Variants in RBFOX1 observed in about 807,000 individuals in gnomAD.
RBFOX1 encodes the protein RNA binding fox-1 homolog 1.
Under a neutral mutation model 57.7 loss-of-function variants are expected in RBFOX1, and 8 were observed. The ratio of observed to expected loss-of-function variants is 0.14; its 90% confidence interval spans 0.08 to 0.25. The LOEUF is 0.25. Ranked by LOEUF, RBFOX1 falls within the 10% of genes least tolerant of loss-of-function variation. The pLI is 1.00. For missense variants in RBFOX1, 611 were observed against 548.5 expected (o/e 1.11, Z -1.14); for synonymous variants, 326 against 222.4 (o/e 1.47, Z -4.15).
chr16:5,764,472 T>C (rs181366052), intron 3 of RBFOX1, among the ~76,000 whole-genome samples: 25 of 152,348 alleles, frequency 1.6e-4, no homozygotes, highest in Admixed American at 1.3e-3. Context: ...TTTACCCCTT[T>C]TCTTTATAAA....
At chr16:5,915,817 G>A (rs936792196) in intron 4 of RBFOX1, among the ~76,000 whole-genome samples, 1 of 151,792 alleles carries the variant, frequency 6.6e-6, no homozygotes, top group African/African-American at 2.4e-5. Context: ...GGGTGACAGG[G>A]CGAGACTCAG....
At chr16:5,572,162 C>T (rs2046305115) in intron 2 of RBFOX1, among the ~76,000 whole-genome samples, 2 of 152,140 alleles carry the variant, frequency 1.3e-5, no homozygotes. Flanking sequence ...GTCCGTGGAG[C>T]CATAGAAGCC....
chr16:6,512,374 C>T (rs1598582418), intron 2 of RBFOX1, among the ~76,000 whole-genome samples: 1 of 149,766 alleles, frequency 6.7e-6, no homozygotes, highest in Non-Finnish European at 1.5e-5. Context: ...AAACTTCAAT[C>T]AAGAGTGCTC....
intron 2 of RBFOX1, among the ~76,000 whole-genome samples, chr16:6,401,273 G>A (rs955585955): frequency 3.9e-5 from 6 of 152,146 alleles, no homozygotes; most frequent in African/African-American, 1.4e-4. Flanking sequence ...GTATCAAAAT[G>A]TAAATAATAG....
At chr16:6,077,069 G>T (rs2095913819) in intron 1 of RBFOX1, among the ~76,000 whole-genome samples, 1 of 152,202 alleles carries the variant, frequency 6.6e-6, no homozygotes. Context: ...AGCTTCGTAA[G>T]CCTAGATGGG....
chr16:7,650,911 G>A (rs2064910687), intron 11 of RBFOX1, among the ~76,000 whole-genome samples: 1 of 152,046 alleles, frequency 6.6e-6, no homozygotes. Flanking sequence ...TTACTTATGG[G>A]CTTTTATGAT....
chr16:5,936,189 T>C (rs1301186986), intron 4 of RBFOX1, among the ~76,000 whole-genome samples: 1 of 152,208 alleles, frequency 6.6e-6, no homozygotes, highest in Non-Finnish European at 1.5e-5. Flanking sequence ...CGTGGCGTGA[T>C]CTTGGCTCAC....
intron 3 of RBFOX1, among the ~76,000 whole-genome samples, chr16:6,674,754 C>G (rs933171315): frequency 6.6e-6 from 1 of 152,126 alleles, no homozygotes; most frequent in South Asian, 2.1e-4. Context: ...GTGCTGGCCA[C>G]CAGCAGAAGC....
intron 3 of RBFOX1, among the ~76,000 whole-genome samples, chr16:6,905,590 C>G (rs1012334457): frequency 6.6e-6 from 1 of 150,464 alleles, no homozygotes; most frequent in Non-Finnish European, 1.5e-5. Flanking sequence ...GTTACCCCTT[C>G]AAATCATCTA....
chr16:5,777,622 A>G (rs1315745291), intron 3 of RBFOX1, among the ~76,000 whole-genome samples: 2 of 152,196 alleles, frequency 1.3e-5, no homozygotes, highest in Non-Finnish European at 2.9e-5. Context: ...GTCTGAGTTA[A>G]CTTATATTTA....
rs1048088049 is a variant in RBFOX1, at chr16:6,215,311, TAGAG to T, written c.-126-101678_-126-101675del. ...AGAGGGAGAGGGAGAGAGGGAGAGG[TAGAG>T]AGAGACAGAGAGGGGAGGGGGAGAA... On this transcript the variant is annotated intron_variant, in intron 1 of 15. Coordinates refer to ENST00000550418, the MANE Select transcript of RBFOX1 (RefSeq NM_018723.4). 1.7e-4 allele frequency among the ~76,000 whole-genome samples: 10 copies of T among 60,480 alleles called. No homozygotes were observed. The East Asian group carries it at 2.9e-3, about 17-fold the overall frequency. The allele number at this position is 60,480 out of a possible 152,430, so 39.7% of individuals were successfully genotyped here.
intron 10 of RBFOX1, among the ~76,000 whole-genome samples, chr16:7,623,817 G>C (rs716983): frequency 0.51 from 77,724 of 151,942 alleles, 21,026 homozygotes; most frequent in East Asian, 0.72. Flanking sequence ...TCTTTTCTCT[G>C]TCTTCACCTG....
intron 3 of RBFOX1, among the ~76,000 whole-genome samples, chr16:6,933,380 C>G (rs188876020): frequency 6.6e-6 from 1 of 152,348 alleles, no homozygotes; most frequent in South Asian, 2.1e-4. Flanking sequence ...TCCAATCTGT[C>G]CACATCATTG....
intron 3 of RBFOX1, among the ~76,000 whole-genome samples, chr16:6,879,095 A>G (rs2062401727): frequency 6.6e-6 from 1 of 152,214 alleles, no homozygotes; most frequent in South Asian, 2.1e-4. Flanking sequence ...CCAATGAGCT[A>G]ATAGCTTGAA....
chr16:6,614,486 C>T (rs140494501), intron 2 of RBFOX1, among the ~76,000 whole-genome samples: 1 of 152,202 alleles, frequency 6.6e-6, no homozygotes, highest in South Asian at 2.1e-4. Flanking sequence ...ACAAACCAAT[C>T]ACTGCGGAAT....
At chr16:6,413,177 G>A (rs932875879) in intron 2 of RBFOX1, among the ~76,000 whole-genome samples, 1 of 152,064 alleles carries the variant, frequency 6.6e-6, no homozygotes, top group Non-Finnish European at 1.5e-5. Flanking sequence ...AAATTAGCTG[G>A]GTGTGGTGGC....
chr16:7,618,831 G>C (rs1030237293), intron 10 of RBFOX1, among the ~76,000 whole-genome samples: 1 of 152,122 alleles, frequency 6.6e-6, no homozygotes, highest in African/African-American at 2.4e-5. Context: ...AACTTCATCA[G>C]TGACAGTTAA....
At chr16:5,728,920 C>T (rs919046286) in intron 3 of RBFOX1, among the ~76,000 whole-genome samples, 3 of 152,178 alleles carry the variant, frequency 2.0e-5, no homozygotes, top group African/African-American at 4.8e-5. Context: ...GACAATATCA[C>T]CTCTCAACCT....
intron 4 of RBFOX1, among the ~76,000 whole-genome samples, chr16:7,215,326 T>C (rs1023688777): frequency 6.6e-6 from 1 of 152,178 alleles, no homozygotes; most frequent in African/African-American, 2.4e-5. Flanking sequence ...GGGTATATAC[T>C]CAAAGTATTA....
Sources: allele counts gnomAD v4.1 joint callset (sites outside exome capture counted in the v4.1 genomes callset), GRCh38; gene constraint gnomAD v4.1.1; transcripts MANE v1.5; gene names NCBI Gene and HGNC (gene_info 2026-07-23, HGNC 2026-07-21).